Variants in CHD7 observed in about 807,000 individuals in gnomAD.
CHD7 encodes ATP-dependent chromatin remodeler CHD7.
CHD7 carries 24 observed loss-of-function variants against 307.3 expected under a neutral mutation model. That is an observed-to-expected ratio of 0.08 (90% confidence interval 0.06 to 0.11). The LOEUF (loss-of-function observed/expected upper bound fraction) is 0.11. Ranked by LOEUF, CHD7 falls within the 10% of genes least tolerant of loss-of-function variation. CHD7 has a pLI of 1.00. For missense variants in CHD7, 3,106 were observed against 3,727.1 expected, an observed-to-expected ratio of 0.83 and a Z score of 4.34; for synonymous variants, 1,363 against 1,349.9, an observed-to-expected ratio of 1.01 and a Z score of -0.21.
intron 6 of CHD7, among the ~76,000 whole-genome samples, chr8:60,801,911 A>T (rs1208477760): frequency 6.6e-6 from 1 of 152,182 alleles, no homozygotes; most frequent in African/African-American, 2.4e-5. Flanking sequence ...AAATCAAAAC[A>T]TGAATTTACT....
chr8:60,713,049 CAAAAAAAAAA>C (rs373922396), intron 1 of CHD7, among the ~76,000 whole-genome samples: 1 of 102,160 alleles, frequency 9.8e-6, no homozygotes, highest in Non-Finnish European at 1.9e-5. Flanking sequence ...AACTCTGTCT[CAAAAAAAAAA>C]AAAAAAAAGA....
intron 28 of CHD7, 118 bp downstream of exon 28, chr8:60,851,437 A>G (rs1321022136): frequency 5.6e-6 from 4 of 718,068 alleles, no homozygotes; most frequent in Admixed American, 5.0e-5. Context: ...TTTCTTCTAC[A>G]CTGACCTGTT....
intron 2 of CHD7, among the ~76,000 whole-genome samples, chr8:60,745,695 A>G (rs1436417565): frequency 2.0e-5 from 3 of 152,216 alleles, no homozygotes; most frequent in African/African-American, 7.2e-5. Flanking sequence ...AGTTTTGAAC[A>G]TAAGGCTAGG....
chr8:60,859,116 T>C (rs1035997997), intron 34 of CHD7, among the ~76,000 whole-genome samples: 1 of 151,580 alleles, frequency 6.6e-6, no homozygotes, highest in African/African-American at 2.4e-5. Context: ...CTAATTGAAG[T>C]TAGAGAATGT....
chr8:60,689,128 C>A (rs1426225237), intron 1 of CHD7, among the ~76,000 whole-genome samples: 1 of 152,094 alleles, frequency 6.6e-6, no homozygotes, highest in Non-Finnish European at 1.5e-5. Flanking sequence ...TCATTTTATT[C>A]TATTCTATTT....
chr8:60,716,226 CTGTTGCCTG>C (rs2150533775), intron 1 of CHD7, among the ~76,000 whole-genome samples: 1 of 152,360 alleles, frequency 6.6e-6, no homozygotes, highest in Non-Finnish European at 1.5e-5. Flanking sequence ...GCTCTCCCTG[CTGTTGCCTG>C]TGTTGCCTGC....
chr8:60,808,133 T>C (rs1812625001), intron 6 of CHD7, 84 bp from the exon 7 acceptor site: 1 of 906,950 alleles, frequency 1.1e-6, no homozygotes, highest in East Asian at 2.6e-5. Context: ...TCCTATTTTG[T>C]GCTCATATGG....
chr8:60,742,986 G>A lies in CHD7; in HGVS notation c.1554G>A (p.Gln518=), dbSNP rs369284507. Reference sequence around the variant, plus strand: ...AGTTGCCAACCTGTCCTCCACTGCAGCCTCACCCGGGCTTGCACCACCAGT... The same window carrying A: ...AGTTGCCAACCTGTCCTCCACTGCAACCTCACCCGGGCTTGCACCACCAGT... ...FQQLPTCPPL[Q]PHPGLHHQSS... The change falls in exon 2 of 38, where the codon CAG becomes CAA. Residue 518 remains glutamine, a synonymous_variant. Transcript: ENST00000423902. The A allele has an allele frequency of 6.2e-6, 10 of 1,613,664 alleles. No homozygotes were observed. In the South Asian group the frequency reaches 1.1e-4, roughly 18 times the overall value.
At chr8:60,808,317 C>A in intron 7 of CHD7, 45 bp downstream of exon 7, 1 of 1,150,782 alleles carries the variant, frequency 8.7e-7, no homozygotes, top group East Asian at 2.5e-5. Flanking sequence ...CTATATTTTC[C>A]AAGTAGTAAA....
intron 1 of CHD7, among the ~76,000 whole-genome samples, chr8:60,718,473 T>C (rs2150538023): frequency 6.7e-6 from 1 of 148,332 alleles, no homozygotes; most frequent in South Asian, 2.1e-4. Context: ...AGACTCCATC[T>C]CAAAAGAAAA....
chr8:60,767,509 G>C (rs1050649028), intron 2 of CHD7, among the ~76,000 whole-genome samples: 18 of 152,360 alleles, frequency 1.2e-4, no homozygotes, highest in African/African-American at 3.8e-4. Flanking sequence ...CTGAAAGCCA[G>C]TGCAGAGCTT....
At chr8:60,862,704 T>C in intron 37 of CHD7, 52 bp downstream of exon 37, 4 of 1,250,442 alleles carry the variant, frequency 3.2e-6, no homozygotes, top group Non-Finnish European at 4.6e-6. Context: ...AAAACTGTTT[T>C]CCTTAGTCTT....
intron 1 of CHD7, among the ~76,000 whole-genome samples, chr8:60,734,114 T>C (rs1808588744): frequency 1.3e-5 from 2 of 152,238 alleles, no homozygotes; most frequent in Admixed American, 1.3e-4. Context: ...GACATATCTT[T>C]GTATTGCTTT....
At chr8:60,844,643 T>C (rs1204826425) in intron 21 of CHD7, among the ~76,000 whole-genome samples, 1 of 152,168 alleles carries the variant, frequency 6.6e-6, no homozygotes, top group African/African-American at 2.4e-5. Context: ...GTGTTATTCT[T>C]GTGGCAGTTC....
chr8:60,761,254 A>G (rs1195070551), intron 2 of CHD7, among the ~76,000 whole-genome samples: 3 of 148,414 alleles, frequency 2.0e-5, no homozygotes, highest in Non-Finnish European at 4.5e-5. Context: ...AAAAAACCAA[A>G]CACCGCATAT....
At chr8:60,763,273 A>G (rs1399601361) in intron 2 of CHD7, among the ~76,000 whole-genome samples, 2 of 152,200 alleles carry the variant, frequency 1.3e-5, no homozygotes, top group African/African-American at 2.4e-5. Flanking sequence ...CTGATGAGAT[A>G]TTTTACATTG....
intron 3 of CHD7, among the ~76,000 whole-genome samples, chr8:60,784,374 C>T (rs1811394828): frequency 6.6e-6 from 1 of 152,142 alleles, no homozygotes; most frequent in African/African-American, 2.4e-5. Context: ...ATAAACAGAA[C>T]CGAAATGAAA....
chr8:60,732,696 A>G (rs1808513880), intron 1 of CHD7, among the ~76,000 whole-genome samples: 1 of 152,194 alleles, frequency 6.6e-6, no homozygotes, highest in African/African-American at 2.4e-5. Flanking sequence ...TACAAAACCC[A>G]GGATATTTTA....
chr8:60,688,890 A>G (rs966039559), intron 1 of CHD7, among the ~76,000 whole-genome samples: 19 of 152,316 alleles, frequency 1.2e-4, no homozygotes, highest in African/African-American at 4.6e-4. Context: ...CTCAAATCTC[A>G]GAAGCTTTGA....
Sources: gnomAD v4.1 joint callset for allele counts (sites outside exome capture counted in the v4.1 genomes callset) on GRCh38, gnomAD v4.1.1 for gene constraint, MANE v1.5 for transcripts, NCBI Gene and HGNC (gene_info 2026-07-23, HGNC 2026-07-21) for gene names.